Variants in CCDC92 observed in about 807,000 individuals in gnomAD.
The protein encoded by CCDC92 is coiled-coil domain containing 92, also known as coiled-coil domain-containing protein 92.
A neutral mutation model predicts 24.9 loss-of-function variants in CCDC92; 12 were observed. The ratio of observed to expected loss-of-function variants is 0.48; its 90% CI spans 0.31 to 0.78. The LOEUF (loss-of-function observed/expected upper bound fraction) is 0.78. CCDC92 is among the 30% of genes least tolerant of loss of function. CCDC92 has a pLI of 0.05. For synonymous variants in CCDC92, 193 were observed against 196.3 expected (o/e 0.98, Z 0.14); for missense variants, 399 against 439.4 (o/e 0.91, Z 0.82).
intron 1 of CCDC92, chr12:123,966,678 A>C (rs1266156128): frequency 1.3e-5 from 2 of 152,246 alleles, no homozygotes; most frequent in African/African-American, 4.8e-5. Context: ...TCCTCTAAAC[A>C]CAGGAATGGC....
intron 1 of CCDC92, among the ~76,000 whole-genome samples, chr12:123,948,888 C>T (rs766821230): frequency 1.3e-5 from 2 of 152,168 alleles, no homozygotes; most frequent in African/African-American, 2.4e-5. Flanking sequence ...TGCGATCCTT[C>T]ACTACTGAAG....
chr12:123,939,773 C>T (rs931923393), intron 4 of CCDC92, among the ~76,000 whole-genome samples: 2 of 152,192 alleles, frequency 1.3e-5, no homozygotes, highest in Non-Finnish European at 2.9e-5. Flanking sequence ...GAGAGAGGGA[C>T]AGAGACACAC....
chr12:123,944,345 T>A lies in CCDC92; in HGVS notation c.-40A>T. On this transcript the variant is annotated 5_prime_UTR_variant, in exon 2 of 5. It adds an upstream start codon to the 5' untranslated region. Transcript: ENST00000238156. Reference sequence around the variant, plus strand: ...AAGCTACCAGAGTAATTCAAGACGCTTGTACAGCACTGAAAAATACTGAGG... The same window carrying A: ...AAGCTACCAGAGTAATTCAAGACGCATGTACAGCACTGAAAAATACTGAGG... 1 of 1,526,216 alleles carries A rather than the reference T, an allele frequency of 6.6e-7. No homozygotes were observed. Among genetic ancestry groups the A allele is most frequent in the Non-Finnish European group, 8.8e-7 (1 of 1,138,036 alleles). 94.5% of individuals were successfully genotyped at this position (1,526,216 alleles called of 1,614,324 possible).
chr12:123,961,289 A>G (rs1414732513), intron 1 of CCDC92: 1 of 152,220 alleles, frequency 6.6e-6, no homozygotes, highest in African/African-American at 2.4e-5. Context: ...GTTGCCAGAC[A>G]CATGGAGGTA....
intron 1 of CCDC92, among the ~76,000 whole-genome samples, chr12:123,965,795 G>C (rs183445961): frequency 6.6e-6 from 1 of 152,134 alleles, no homozygotes; most frequent in Non-Finnish European, 1.5e-5. Context: ...AGGGATGCCA[G>C]GGAAAATCAT....
At chr12:123,968,770 C>T (rs1348047717) in intron 1 of CCDC92, among the ~76,000 whole-genome samples, 2 of 152,074 alleles carry the variant, frequency 1.3e-5, no homozygotes, top group Non-Finnish European at 1.5e-5. Context: ...TGCTAGAGAA[C>T]AAGACAGAGT....
intron 1 of CCDC92, among the ~76,000 whole-genome samples, chr12:123,958,476 G>A (rs1055432825): frequency 2.6e-5 from 4 of 152,202 alleles, no homozygotes; most frequent in African/African-American, 4.8e-5. Flanking sequence ...CCTCTGCCTC[G>A]TGCCTTCCTG....
At position 123,935,660 on chromosome 12, in the gene CCDC92, T is replaced by C. The variant is rs1245125403; in HGVS notation, c.*1398A>G. On this transcript the variant is annotated 3_prime_UTR_variant, in exon 5 of 5. Coordinates refer to ENST00000238156, the MANE Select transcript of CCDC92 (RefSeq NM_025140.3). The stretch of plus-strand genomic sequence containing the variant: ...AAATTAACCTGAATGGTTTTGTTTT[T>C]AATACTACTTTTTAAAAGGAATTTA... 1.6e-5 allele frequency: 9 copies of C among 572,388 alleles called. No individual in the cohort carries two copies. Among genetic ancestry groups the C allele is most frequent in the Non-Finnish European group, 2.8e-6 (1 of 353,338 alleles). The allele number at this position is 572,388 out of a possible 1,614,324, so 35.5% of individuals were successfully genotyped here. A position where few individuals can be genotyped will look rare whatever the true frequency, so the allele number is the denominator to read the frequency against.
intron 1 of CCDC92, among the ~76,000 whole-genome samples, chr12:123,954,420 C>G (rs890659161): frequency 6.6e-6 from 1 of 152,172 alleles, no homozygotes; most frequent in South Asian, 2.1e-4. Context: ...TCTGAAAGAA[C>G]GTGCAGCCTA....
intron 4 of CCDC92, among the ~76,000 whole-genome samples, chr12:123,941,677 G>C (rs1566148158): frequency 6.6e-6 from 1 of 152,202 alleles, no homozygotes; most frequent in Non-Finnish European, 1.5e-5. Context: ...CCTTGCCCCG[G>C]CACGCCTGCG....
At chr12:123,972,170 G>C (rs1460644364) in intron 1 of CCDC92, 1 of 152,048 alleles carries the variant, frequency 6.6e-6, no homozygotes, top group Non-Finnish European at 1.5e-5. Flanking sequence ...CGGCCGGTCC[G>C]CACCCTGGAC....
At chr12:123,942,643 G>C (rs1955720696) in intron 4 of CCDC92, 101 bp downstream of exon 4, 2 of 915,716 alleles carry the variant, frequency 2.2e-6, no homozygotes, top group South Asian at 1.3e-5. Flanking sequence ...ACTCTTCCCA[G>C]CAAGAGCATT....
At chr12:123,951,138 A>C (rs1269165181) in intron 1 of CCDC92, among the ~76,000 whole-genome samples, 3 of 152,114 alleles carry the variant, frequency 2.0e-5, no homozygotes, top group Admixed American at 1.3e-4. Context: ...TGCACATCTG[A>C]ACTCACGCAT....
intron 1 of CCDC92, among the ~76,000 whole-genome samples, chr12:123,952,698 C>T (rs890990383): frequency 2.0e-5 from 3 of 152,238 alleles, no homozygotes; most frequent in East Asian, 1.9e-4. Context: ...GCAATAAAAA[C>T]GGACAACATT....
chr12:123,957,896 G>A (rs1197999184), intron 1 of CCDC92, among the ~76,000 whole-genome samples: 3 of 151,332 alleles, frequency 2.0e-5, no homozygotes, highest in African/African-American at 2.4e-5. Flanking sequence ...TAGTAGACAC[G>A]GAGTTTCGCC....
At position 123,944,463 on chromosome 12, in the gene CCDC92, G is replaced by A. The variant is rs772992065; in HGVS notation, c.-59-99C>T. ...AATTTGCTATTCCAGAGAACCCTCC[G>A]TAAAGGAGGTACAACTTCTCAATGG... On this transcript the variant is annotated intron_variant, in intron 1 of 4. Transcript: ENST00000238156. 1.0e-4 allele frequency: 65 copies of A among 648,498 alleles called. 1 individual carries two copies. The highest frequency in any genetic ancestry group is 2.7e-4 in the Middle Eastern group (1 of 3,702). The allele number at this position is 648,498 out of a possible 1,614,324, so 40.2% of individuals were successfully genotyped here.
rs545838011 is a variant in CCDC92 at position 123,935,682 on chromosome 12, T to G, written c.*1376A>C. 2.1e-6 allele frequency: 1 copy of G among 486,850 alleles called. No individual in the cohort carries two copies. Among genetic ancestry groups the G allele is most frequent in the South Asian group, 6.2e-5 (1 of 16,138 alleles). The allele number at this position is 486,850 out of a possible 1,614,324, so 30.2% of individuals were successfully genotyped here. A position where few individuals can be genotyped will look rare whatever the true frequency, so the allele number is the denominator to read the frequency against. ...TTTTAATACTACTTTTTAAAAGGAATTTATATAATCAAAAAGTAAATATTG... is the reference window on the plus strand; with the variant it reads ...TTTTAATACTACTTTTTAAAAGGAAGTTATATAATCAAAAAGTAAATATTG... On this transcript the variant is annotated 3_prime_UTR_variant, in exon 5 of 5. Transcript: ENST00000238156.
chr12:123,937,466 G>C lies in CCDC92; in HGVS notation c.588C>G (p.Asp196Glu), dbSNP rs908706507. Residue 196 changes from aspartate to glutamate, a missense_variant, in exon 5 of 5, where the codon GAC (aspartate) becomes GAG (glutamate). Physicochemically the swap from Asp to Glu is conservative, Grantham distance 45. Coordinates refer to ENST00000238156, the MANE Select transcript of CCDC92 (RefSeq NM_025140.3). This position sits in a 1 kb window ranked among gnomAD's most constrained non-coding sequence, Gnocchi z 8.4. ...LASYKPAPPK[D>E]KLPETPRRRM... Reference sequence around the variant, plus strand: ...GGCGGCGAGGCGTTTCGGGTAGCTTGTCTTTGGGGGGCGCTGGCTTGTAGC... The same window carrying C: ...GGCGGCGAGGCGTTTCGGGTAGCTTCTCTTTGGGGGGCGCTGGCTTGTAGC... 1.2e-6 allele frequency: 2 copies of C among 1,613,182 alleles called. No homozygotes were observed. The highest frequency in any genetic ancestry group is 8.5e-7 in the Non-Finnish European group (1 of 1,180,018).
At chr12:123,971,875 T>C (rs935748946) in intron 1 of CCDC92, 6 of 151,838 alleles carry the variant, frequency 4.0e-5, no homozygotes, top group Middle Eastern at 3.2e-3. Flanking sequence ...AGGAAGGGGC[T>C]GGCAAGGTAG....
Sources: allele counts gnomAD v4.1 joint callset (sites outside exome capture counted in the v4.1 genomes callset), GRCh38; gene constraint gnomAD v4.1.1; non-coding constraint Gnocchi (gnomAD v3.1); transcripts MANE v1.5; gene names NCBI Gene and HGNC (gene_info 2026-07-23, HGNC 2026-07-21).